TANC1: variants seen among roughly 807,000 people sequenced by gnomAD.
TANC1 encodes tetratricopeptide repeat, ankyrin repeat and coiled-coil containing 1, also known as protein TANC1.
In TANC1, 77 loss-of-function variants were observed where a neutral mutation model predicts 149.7. The observed-to-expected ratio is 0.51, with a 90% CI of 0.43 to 0.62. TANC1 has a LOEUF of 0.62. Ranked by LOEUF, TANC1 falls within the 20% of genes least tolerant of loss-of-function variation. TANC1 has a pLI of 0.00. For synonymous variants in TANC1, 854 were observed against 925.0 expected (o/e 0.92, Z 1.39); for missense variants, 1,985 against 2,321.8 (o/e 0.85, Z 2.98).
At chr2:158,989,579 C>T (rs1163472064) in intron 1 of TANC1, among the ~76,000 whole-genome samples, 1 of 145,668 alleles carries the variant, frequency 6.9e-6, no homozygotes, top group Non-Finnish European at 1.5e-5. Context: ...CACTGCATTC[C>T]AGCTTAGGCA....
At chr2:159,041,965 G>A (rs60504858) in intron 2 of TANC1, among the ~76,000 whole-genome samples, 14,725 of 152,172 alleles carry the variant, frequency 0.097, 731 homozygotes, top group Non-Finnish European at 0.11. Flanking sequence ...GAAACATTAG[G>A]CATTTGACAT....
chr2:159,132,524 T>C (rs1309010221), intron 4 of TANC1, among the ~76,000 whole-genome samples: 1 of 152,176 alleles, frequency 6.6e-6, no homozygotes, highest in East Asian at 1.9e-4. Flanking sequence ...AGTCTCACTC[T>C]GTTGCCCAGG....
chr2:159,161,317 A>G (rs2054026635), intron 7 of TANC1, among the ~76,000 whole-genome samples: 1 of 152,220 alleles, frequency 6.6e-6, no homozygotes, highest in African/African-American at 2.4e-5. Context: ...AATAAAACCA[A>G]ACAAATCCCC....
At chr2:159,081,773 C>A (rs980189181) in intron 3 of TANC1, among the ~76,000 whole-genome samples, 7 of 152,296 alleles carry the variant, frequency 4.6e-5, no homozygotes, top group African/African-American at 1.7e-4. Context: ...CCTGAGGCTG[C>A]TGCCCCTTTA....
rs753526166 is a variant in TANC1, at chr2:159,196,660, G to A, written c.3032G>A (p.Arg1011Gln). 2.0e-5 allele frequency: 33 copies of A among 1,613,798 alleles called. No homozygotes were observed. Among genetic ancestry groups the A allele is most frequent in the Middle Eastern group, 1.6e-4 (1 of 6,084 alleles). Residue 1011 changes from arginine (R) to glutamine (Q), a missense_variant, in exon 18 of 27, where the codon CGG (arginine) becomes CAG (glutamine). Arg to Gln is a conservative substitution (Grantham distance 43). Around this residue, in one of 3 missense-constraint regions of TANC1, gnomAD observed 508 missense variants for 714.2 expected, o/e 0.71. Transcript: ENST00000263635. ...GQCALVHSAL[R>Q]GHGDILQYLL... ...TGTGCGCTTGTCCACAGTGCCCTACGGGGCCACGGTGACATTCTCCAGTAC... is the reference window on the plus strand; with the variant it reads ...TGTGCGCTTGTCCACAGTGCCCTACAGGGCCACGGTGACATTCTCCAGTAC...
chr2:159,172,539 G>A (rs1209430092), intron 11 of TANC1, among the ~76,000 whole-genome samples: 2 of 152,174 alleles, frequency 1.3e-5, no homozygotes, highest in African/African-American at 2.4e-5. Context: ...ATGTGCACTC[G>A]CCACAAATCC....
At chr2:159,153,922 T>A (rs2053146659) in intron 7 of TANC1, among the ~76,000 whole-genome samples, 1 of 152,168 alleles carries the variant, frequency 6.6e-6, no homozygotes, top group African/African-American at 2.4e-5. Flanking sequence ...TGGGCGGAGA[T>A]GAAGATGAGA....
chr2:159,016,316 C>G (rs7576432), intron 2 of TANC1, among the ~76,000 whole-genome samples: 2 of 152,140 alleles, frequency 1.3e-5, no homozygotes, highest in Non-Finnish European at 2.9e-5. Context: ...TATGGGGGAA[C>G]GACCCCCATG....
intron 20 of TANC1, among the ~76,000 whole-genome samples, 170 bp downstream of exon 20, chr2:159,217,800 C>T (rs1347061477): frequency 2.0e-5 from 3 of 152,188 alleles, no homozygotes; most frequent in Admixed American, 2.0e-4. Flanking sequence ...GACAAGATAA[C>T]ACAGTTGGCC....
chr2:159,055,978 AG>A, intron 2 of TANC1: 1 of 267,888 alleles, frequency 3.7e-6, no homozygotes, highest in South Asian at 5.6e-5. Flanking sequence ...TAGCAGTGCA[AG>A]TCTGCCTCTA....
rs753716944 is a variant in TANC1, at chr2:159,175,007, G to A, written c.1558G>A (p.Glu520Lys). The change falls in exon 12 of 27, where the codon GAG (glutamate) becomes AAG (lysine). Residue 520 changes from glutamate (E) to lysine (K), a missense_variant. Glu to Lys is a moderately conservative substitution (Grantham distance 56). Around this residue, in one of 3 missense-constraint regions of TANC1, gnomAD observed 508 missense variants for 714.2 expected, o/e 0.71. Coordinates refer to ENST00000263635, the MANE Select transcript of TANC1 (RefSeq NM_033394.3). ...ADNTYTCLVP[E>K]FVHSIAALLC... ...CAACACGTACACTTGCCTGGTGCCC[G>A]AGTTTGTGCACAGCATCGCAGCTTT... The A allele has an allele frequency of 1.2e-6, 2 of 1,614,052 alleles. No individual in the cohort carries two copies. Among genetic ancestry groups the A allele is most frequent in the African/African-American group, 1.3e-5 (1 of 74,916 alleles).
At chr2:159,191,167 G>A (rs950052129) in intron 16 of TANC1, among the ~76,000 whole-genome samples, 1 of 151,872 alleles carries the variant, frequency 6.6e-6, no homozygotes, top group African/African-American at 2.4e-5. Flanking sequence ...CAGGTGGTTG[G>A]CTGGCTCCTT....
At chr2:159,134,843 A>C (rs1337642633) in intron 4 of TANC1, among the ~76,000 whole-genome samples, 3 of 152,040 alleles carry the variant, frequency 2.0e-5, no homozygotes, top group Non-Finnish European at 4.4e-5. Context: ...GCTTGTCTCA[A>C]ACTCCTGGGC....
intron 3 of TANC1, among the ~76,000 whole-genome samples, chr2:159,066,836 T>C (rs1056883054): frequency 5.3e-5 from 8 of 152,248 alleles, no homozygotes; most frequent in African/African-American, 1.9e-4. Context: ...TTTAATAGCA[T>C]TACATTCCTT....
At chr2:159,199,661 C>T (rs555777943) in intron 19 of TANC1, among the ~76,000 whole-genome samples, 8 of 152,350 alleles carry the variant, frequency 5.3e-5, no homozygotes, top group East Asian at 1.9e-4. Context: ...TCCAGTTTTC[C>T]ACTTGACTGG....
intron 16 of TANC1, among the ~76,000 whole-genome samples, chr2:159,193,345 A>G (rs1003380809): frequency 3.9e-5 from 6 of 152,174 alleles, no homozygotes; most frequent in Non-Finnish European, 8.8e-5. Flanking sequence ...TATGTACCAC[A>G]TTTTCTTCAT....
At chr2:158,991,091 CAAAAAAAAAA>C (rs34411224) in intron 1 of TANC1, among the ~76,000 whole-genome samples, 2 of 70,168 alleles carry the variant, frequency 2.9e-5, no homozygotes, top group Non-Finnish European at 2.5e-5. Flanking sequence ...GATCCTGTGT[CAAAAAAAAAA>C]AAAAAAAAAA....
chr2:159,199,538 G>A (rs890264642), intron 19 of TANC1, among the ~76,000 whole-genome samples: 2 of 152,196 alleles, frequency 1.3e-5, no homozygotes, highest in Non-Finnish European at 2.9e-5. Context: ...ATTACCGTAC[G>A]AATGCAAGCT....
chr2:159,143,325 A>G (rs1458278123), intron 5 of TANC1, among the ~76,000 whole-genome samples: 1 of 152,102 alleles, frequency 6.6e-6, no homozygotes, highest in Non-Finnish European at 1.5e-5. Flanking sequence ...GACCCAATGC[A>G]TAATGTTACA....
Sources: allele counts gnomAD v4.1 joint callset (sites outside exome capture counted in the v4.1 genomes callset), GRCh38; gene constraint gnomAD v4.1.1; regional missense constraint gnomAD v4.1.1; transcripts MANE v1.5; gene names NCBI Gene and HGNC (gene_info 2026-07-23, HGNC 2026-07-21).